Variants in EEF1AKMT2 observed in about 807,000 individuals in gnomAD.
The protein encoded by EEF1AKMT2 is EEF1A lysine methyltransferase 2, also known as eukaryotic translation elongation factor 1 alpha lysine methyltransferase 2.
EEF1AKMT2 carries 32 observed loss-of-function variants against 35.8 expected under a neutral mutation model. The ratio of observed to expected loss-of-function variants is 0.89; its 90% CI spans 0.67 to 1.20. The LOEUF (loss-of-function observed/expected upper bound fraction) is 1.20, where lower values mean the gene tolerates loss of function less well. Among genes scored for constraint, EEF1AKMT2 ranks in the 50% most tolerant of loss-of-function variants. EEF1AKMT2 has a pLI of 0.00. For missense variants in EEF1AKMT2, 330 were observed against 347.5 expected, an observed-to-expected ratio of 0.95 and a Z score of 0.40; for synonymous variants, 121 against 133.7, an observed-to-expected ratio of 0.91 and a Z score of 0.65.
In EEF1AKMT2 at chr10:124,789,047, T is replaced by C. The variant is rs369224597; in HGVS notation, c.287A>G (p.Glu96Gly). Residue 96 changes from glutamate (E) to glycine (G), a missense_variant, in exon 3 of 7, where the codon GAA (glutamate) becomes GGA (glycine). Transcript: ENST00000368836. ...IGTGNGVFLV[E>G]LAKFGFSNIT... ...ACAAATACTAAAAGTACCAACAAGTTCAACCAGGAAAACACCATTTCCAGT... is the reference window on the plus strand; with the variant it reads ...ACAAATACTAAAAGTACCAACAAGTCCAACCAGGAAAACACCATTTCCAGT... The C allele has an allele frequency of 3.9e-5, 63 of 1,608,794 alleles. No homozygotes were observed. Among genetic ancestry groups the C allele is most frequent in the Non-Finnish European group, 5.0e-5 (59 of 1,178,060 alleles).
At chr10:124,790,867 C>A (rs1366315842) in intron 1 of EEF1AKMT2, among the ~76,000 whole-genome samples, 2 of 152,120 alleles carry the variant, frequency 1.3e-5, no homozygotes, top group Non-Finnish European at 2.9e-5. Context: ...CGGGTTCAAG[C>A]GATTCTCCTG....
intron 3 of EEF1AKMT2, among the ~76,000 whole-genome samples, chr10:124,776,552 C>T (rs189086161): frequency 1.1e-4 from 17 of 152,204 alleles, no homozygotes; most frequent in African/African-American, 3.9e-4. Flanking sequence ...CTCTGGGAGG[C>T]GGAGGCAGGC....
At chr10:124,768,915 T>C (rs1484909582) in intron 4 of EEF1AKMT2, among the ~76,000 whole-genome samples, 2 of 151,782 alleles carry the variant, frequency 1.3e-5, no homozygotes, top group African/African-American at 4.8e-5. Context: ...CAAGAAATGA[T>C]CACATTCTTG....
intron 4 of EEF1AKMT2, among the ~76,000 whole-genome samples, chr10:124,770,108 T>C (rs1262096830): frequency 6.6e-6 from 1 of 151,598 alleles, no homozygotes; most frequent in Non-Finnish European, 1.5e-5. Context: ...CATGATGAAA[T>C]CTCGTCTCTA....
intron 3 of EEF1AKMT2, among the ~76,000 whole-genome samples, chr10:124,784,238 C>T (rs1950566039): frequency 6.6e-6 from 1 of 152,026 alleles, no homozygotes; most frequent in African/African-American, 2.4e-5. Context: ...TCATATAAGG[C>T]ATGTTATCTG....
rs536635733 is a variant in EEF1AKMT2, at chr10:124,759,914, T to C, written c.*589A>G. 1 of 153,036 alleles carries C rather than the reference T, an allele frequency of 6.5e-6. No homozygotes were observed. The highest frequency in any genetic ancestry group is 2.4e-5 in the African/African-American group (1 of 41,600). 9.5% of individuals were successfully genotyped at this position (153,036 alleles called of 1,614,324 possible). A position where few individuals can be genotyped will look rare whatever the true frequency, so the allele number is the denominator to read the frequency against. On this transcript the variant is annotated 3_prime_UTR_variant, in exon 7 of 7. Coordinates refer to ENST00000368836, the MANE Select transcript of EEF1AKMT2 (RefSeq NM_212554.4). ...TAAAGGTAAGAGGCCTTTTCACAGG[T>C]ATTAATTAAGTTTAAAAATAACCGC...
intron 4 of EEF1AKMT2, among the ~76,000 whole-genome samples, chr10:124,766,655 A>G (rs1193704023): frequency 1.3e-5 from 2 of 152,210 alleles, no homozygotes; most frequent in Non-Finnish European, 2.9e-5. Context: ...AAATGTATAT[A>G]TTATGTTGAT....
At chr10:124,781,008 C>T (rs777623572) in intron 3 of EEF1AKMT2, among the ~76,000 whole-genome samples, 16 of 151,728 alleles carry the variant, frequency 1.1e-4, no homozygotes, top group South Asian at 8.3e-4. Context: ...TGCAGTGGCG[C>T]GATCTTGGCT....
At chr10:124,773,686 C>G (rs117898982) in intron 4 of EEF1AKMT2, among the ~76,000 whole-genome samples, 14 of 152,252 alleles carry the variant, frequency 9.2e-5, no homozygotes, top group Admixed American at 2.0e-4. Context: ...TACGTGGGCA[C>G]AGTTCATGGC....
chr10:124,780,679 G>GAA (rs142265460), intron 3 of EEF1AKMT2, among the ~76,000 whole-genome samples: 1 of 145,588 alleles, frequency 6.9e-6, no homozygotes, highest in Non-Finnish European at 1.5e-5. Flanking sequence ...CAGTAATACA[G>GAA]AAAAAAAAAA....
At chr10:124,774,339 C>A (rs1310924777) in intron 4 of EEF1AKMT2, among the ~76,000 whole-genome samples, 2 of 131,592 alleles carry the variant, frequency 1.5e-5, no homozygotes, top group African/African-American at 5.7e-5. Context: ...CGCACTCCAG[C>A]CCTCCAGCCT....
In EEF1AKMT2 at chr10:124,765,466, A is replaced by C; in HGVS notation, c.542T>G (p.Leu181Trp). 6.2e-7 allele frequency: 1 copy of C among 1,614,012 alleles called. No individual in the cohort carries two copies. The highest frequency in any genetic ancestry group is 8.5e-7 in the Non-Finnish European group (1 of 1,179,968). Reference sequence around the variant, plus strand: ...TATTAGAAAAAAGCCTTTTACTTTCAACACCCTGGAGAGAGATTTCACATA... The same window carrying C: ...TATTAGAAAAAAGCCTTTTACTTTCCACACCCTGGAGAGAGATTTCACATA... The part of the protein sequence containing the change: ...KQYVKSLSRV[L>W]KVKGFFLITS... Residue 181 changes from leucine (L) to tryptophan (W), a missense_variant, in exon 5 of 7, where the codon TTG becomes TGG. Leu to Trp is a moderately conservative substitution (Grantham distance 61). Transcript: ENST00000368836.
At chr10:124,789,272 T>C (rs1950614218) in intron 2 of EEF1AKMT2, 115 bp from the exon 3 acceptor site, 1 of 628,472 alleles carries the variant, frequency 1.6e-6, no homozygotes, top group East Asian at 2.9e-5. Flanking sequence ...TGAAAACATC[T>C]GTGACTGCTT....
rs772506598 is a variant in EEF1AKMT2, at chr10:124,791,795, C to T, written c.39G>A (p.Val13=). Residue 13 remains valine, a synonymous_variant, in exon 1 of 7, where the codon GTG becomes GTA. Coordinates refer to ENST00000368836, the MANE Select transcript of EEF1AKMT2 (RefSeq NM_212554.4). The part of the protein sequence containing the change: ...SGADGGGGAA[V]AARSDKGSPG... ...GACTGCCCTTGTCCGACCGCGCCGC[C>T]ACCGCAGCGCCACCGCCGCCGTCAG... The T allele has an allele frequency of 8.8e-6, 14 of 1,590,626 alleles. No individual in the cohort carries two copies. The highest frequency in any genetic ancestry group is 1.0e-5 in the Non-Finnish European group (12 of 1,173,652).
rs550291318 is a variant in EEF1AKMT2 at position 124,776,559 on chromosome 10, A to G, written c.292-1777T>C. 2.0e-3 allele frequency among the ~76,000 whole-genome samples: 309 copies of G among 152,260 alleles called. 3 individuals carry two copies. In the South Asian group the frequency reaches 0.021, roughly 10 times the overall value. On this transcript the variant is annotated intron_variant, in intron 3 of 6. Transcript: ENST00000368836. The stretch of plus-strand genomic sequence containing the variant: ...TCCTAGCACTCTGGGAGGCGGAGGC[A>G]GGCAGACCACCTGAGGTCAGGAGTT...
chr10:124,782,325 G>A (rs528948912), intron 3 of EEF1AKMT2, among the ~76,000 whole-genome samples: 6 of 152,190 alleles, frequency 3.9e-5, no homozygotes, highest in South Asian at 2.1e-4. Context: ...GCTCACGCCT[G>A]TAATCCCAGC....
rs1357606015 is a variant in EEF1AKMT2, at chr10:124,759,923, A to C, written c.*580T>G. On this transcript the variant is annotated 3_prime_UTR_variant, in exon 7 of 7. Coordinates refer to ENST00000368836, the MANE Select transcript of EEF1AKMT2 (RefSeq NM_212554.4). ...GAGGCCTTTTCACAGGTATTAATTA[A>C]GTTTAAAAATAACCGCCATCCAACA... 1 of 153,098 alleles carries C rather than the reference A, an allele frequency of 6.5e-6. No homozygotes were observed. The highest frequency in any genetic ancestry group is 2.4e-5 in the African/African-American group (1 of 41,496). The allele number at this position is 153,098 out of a possible 1,614,324, so 9.5% of individuals were successfully genotyped here.
chr10:124,791,219 G>A (rs765209321), intron 1 of EEF1AKMT2, among the ~76,000 whole-genome samples: 26 of 152,014 alleles, frequency 1.7e-4, no homozygotes, highest in Non-Finnish European at 3.5e-4. Context: ...GCGTCTGTTT[G>A]AGGTCAGATC....
At chr10:124,789,663 G>A (rs754692184) in intron 2 of EEF1AKMT2, among the ~76,000 whole-genome samples, 31 of 151,588 alleles carry the variant, frequency 2.0e-4, no homozygotes, top group Non-Finnish European at 2.6e-4. Flanking sequence ...GCTGTGGCGG[G>A]AGGATCACCT....
Sources: gnomAD v4.1 joint callset for allele counts (sites outside exome capture counted in the v4.1 genomes callset) on GRCh38, gnomAD v4.1.1 for gene constraint, MANE v1.5 for transcripts, NCBI Gene and HGNC (gene_info 2026-07-23, HGNC 2026-07-21) for gene names.